The following ELAC1 variants were observed in gnomAD, a reference collection of about 807,000 sequenced individuals.
The protein encoded by ELAC1 is elaC ribonuclease Z 1.
In ELAC1, 19 loss-of-function variants were observed where a neutral mutation model predicts 25.8. The ratio of observed to expected loss-of-function variants is 0.74; its 90% CI spans 0.51 to 1.08. The LOEUF is 1.08. Among genes scored for constraint, ELAC1 ranks in the 50% least tolerant of loss-of-function variants. The pLI is 0.00. For missense variants in ELAC1, 403 were observed against 434.6 expected (o/e 0.93, Z 0.65); for synonymous variants, 148 against 160.9 (o/e 0.92, Z 0.61).
chr18:50,980,174 C>T (rs991433564), intron 2 of ELAC1, among the ~76,000 whole-genome samples: 4 of 151,814 alleles, frequency 2.6e-5, no homozygotes. Flanking sequence ...TCCATCTTTA[C>T]AAGAAATAAA....
At chr18:50,969,664 A>G (rs1406282581) in intron 1 of ELAC1, 1 of 152,252 alleles carries the variant, frequency 6.6e-6, no homozygotes, top group Non-Finnish European at 1.5e-5. Flanking sequence ...GTGCTGCCTA[A>G]TGGGGTACTC....
chr18:50,984,526 C>T lies in ELAC1; in HGVS notation c.588C>T (p.Arg196=). ...SFGFSVVEKK[R]PGKLNAQKLK... is the part of the protein sequence containing the mutation. ...GGTTTTCAGTCGTGGAAAAGAAACG[C>T]CCAGGTAAACTCAATGCACAGAAAC... The change falls in exon 3 of 4, where the codon CGC becomes CGT. Residue 196 remains arginine (R), a synonymous_variant. Coordinates refer to ENST00000269466, the MANE Select transcript of ELAC1 (RefSeq NM_018696.3). 1 of 1,614,074 alleles carries T rather than the reference C, an allele frequency of 6.2e-7. No homozygotes were observed.
At chr18:50,982,209 C>G (rs974065622) in intron 2 of ELAC1, among the ~76,000 whole-genome samples, 3 of 151,960 alleles carry the variant, frequency 2.0e-5, no homozygotes, top group Non-Finnish European at 4.4e-5. Context: ...CTTGGCAACC[C>G]GGACAGGGAG....
In ELAC1 at chr18:50,987,013, A is replaced by G. The variant is rs1212307602; in HGVS notation, c.1020A>G (p.Glu340=). The G allele has an allele frequency of 1.7e-5, 28 of 1,610,996 alleles. No homozygotes were observed. The highest frequency in any genetic ancestry group is 6.7e-5 in the Admixed American group (4 of 59,670). The change falls in exon 4 of 4, where the codon GAA becomes GAG. Residue 340 remains glutamate, a synonymous_variant. Coordinates refer to ENST00000269466, the MANE Select transcript of ELAC1 (RefSeq NM_018696.3). ...TTGCAGAACTAAAAAAGCAAGCTGA[A>G]TCAGTGTTAGATCTCCAAGAAGTGA... ...DGIAELKKQA[E]SVLDLQEVTL... is the part of the protein sequence containing the mutation.
chr18:50,987,035 G>A lies in ELAC1; in HGVS notation c.1042G>A (p.Val348Met), dbSNP rs774009592. Residue 348 changes from valine to methionine, a missense_variant, in exon 4 of 4, where the codon GTG (valine) becomes ATG (methionine). By Grantham distance (21) the Val-to-Met change is conservative. Transcript: ENST00000269466. Reference sequence around the variant, plus strand: ...TGAATCAGTGTTAGATCTCCAAGAAGTGACTCTAGCAGAAGATTTTATGGT... The same window carrying A: ...TGAATCAGTGTTAGATCTCCAAGAAATGACTCTAGCAGAAGATTTTATGGT... ...QAESVLDLQE[V>M]TLAEDFMVIS... The A allele has an allele frequency of 1.3e-6, 2 of 1,593,716 alleles. No homozygotes were observed. The highest frequency in any genetic ancestry group is 2.2e-5 in the East Asian group (1 of 44,794).
In ELAC1 at chr18:50,984,185, G is replaced by C. The variant is rs144276133; in HGVS notation, c.247G>C (p.Gly83Arg). Residue 83 changes from glycine to arginine, a missense_variant, in exon 3 of 4, where the codon GGC becomes CGC. Coordinates refer to ENST00000269466, the MANE Select transcript of ELAC1 (RefSeq NM_018696.3). ...CCTCTGCACAATCAGCCTGCAGAGT[G>C]GCTCCATGGTGTCCAAACAGCCTAT... is the stretch of plus-strand genomic sequence containing the variant. ...GLLCTISLQS[G>R]SMVSKQPIEI... 7.2e-5 allele frequency: 116 copies of C among 1,614,150 alleles called. No homozygotes were observed. In the Admixed American group the frequency reaches 8.8e-4, roughly 12 times the overall value.
chr18:50,973,601 G>A (rs915126229), intron 1 of ELAC1, among the ~76,000 whole-genome samples: 1 of 152,154 alleles, frequency 6.6e-6, no homozygotes, highest in Non-Finnish European at 1.5e-5. Context: ...GGAAAGGGCT[G>A]ATCATTATGG....
chr18:50,969,471 C>G (rs1042909654), intron 1 of ELAC1: 8 of 152,242 alleles, frequency 5.3e-5, no homozygotes, highest in Admixed American at 1.3e-4. Context: ...CATCTTGCCT[C>G]TCTTTGTGGA....
rs181269456 is a variant in ELAC1 at position 50,980,678 on chromosome 18, G to A, written c.158-3418G>A. ...CTTGGGAGGCTGAGGCAGGAGAATC[G>A]CTTGAACCCAGGAGGCGGAGGTTGT... On this transcript the variant is annotated intron_variant, in intron 2 of 3. Coordinates refer to ENST00000269466, the MANE Select transcript of ELAC1 (RefSeq NM_018696.3). Among the ~76,000 whole-genome samples, 299 of 150,778 alleles carry A rather than the reference G, an allele frequency of 2.0e-3. 2 individuals are homozygous for A. Among genetic ancestry groups the A allele is most frequent in the African/African-American group, 4.6e-3 (188 of 41,026 alleles).
chr18:50,972,713 C>T lies in ELAC1; in HGVS notation c.-8-1684C>T, dbSNP rs555011930. On this transcript the variant is annotated intron_variant, in intron 1 of 3. Coordinates refer to ENST00000269466, the MANE Select transcript of ELAC1 (RefSeq NM_018696.3). ...GGCCAGGCTGCTCTCAAACTCCTGA[C>T]CTTAGGTGATCCACCCTCCTCAGCC... Among the ~76,000 whole-genome samples the T allele has an allele frequency of 2.2e-4, 33 of 152,276 alleles. 1 individual carries two copies. The highest frequency in any genetic ancestry group is 7.5e-4 in the African/African-American group (31 of 41,562).
intron 2 of ELAC1, among the ~76,000 whole-genome samples, chr18:50,982,219 G>A (rs1347830059): frequency 1.3e-5 from 2 of 152,152 alleles, no homozygotes; most frequent in Non-Finnish European, 2.9e-5. Context: ...CGGACAGGGA[G>A]ACGGGGGAAA....
intron 2 of ELAC1, among the ~76,000 whole-genome samples, chr18:50,980,758 A>G (rs888919146): frequency 2.0e-5 from 3 of 146,918 alleles, no homozygotes; most frequent in African/African-American, 7.5e-5. Context: ...GTGAGACTCC[A>G]TCTCGAAAAA....
intron 2 of ELAC1, among the ~76,000 whole-genome samples, chr18:50,979,960 A>T (rs958313187): frequency 1.3e-5 from 2 of 152,068 alleles, no homozygotes; most frequent in Non-Finnish European, 2.9e-5. Flanking sequence ...CAAACTCCTG[A>T]GCTCAGGCAG....
chr18:50,970,406 T>G (rs1027310678), intron 1 of ELAC1, among the ~76,000 whole-genome samples: 5 of 152,276 alleles, frequency 3.3e-5, no homozygotes, highest in Admixed American at 6.5e-5. Context: ...AAATGTTAAC[T>G]TTCTGCATTC....
intron 2 of ELAC1, among the ~76,000 whole-genome samples, chr18:50,976,827 C>T (rs1907806815): frequency 6.6e-6 from 1 of 152,186 alleles, no homozygotes; most frequent in African/African-American, 2.4e-5. Context: ...AAATCAAAAG[C>T]AAGTTAGTTA....
Position 50,986,599 on chromosome 18 carries a change from T to C in ELAC1, c.626-20T>C, listed in dbSNP as rs569400237. On this transcript the variant is annotated intron_variant, in intron 3 of 3. Coordinates refer to ENST00000269466, the MANE Select transcript of ELAC1 (RefSeq NM_018696.3). ...TAAATTCCATTCCTATGATGTAATG[T>C]TATCTGCCTTCATCATTAGGTGTTC... 1.0e-5 allele frequency: 16 copies of C among 1,544,752 alleles called. No individual in the cohort carries two copies. Among genetic ancestry groups the C allele is most frequent in the Non-Finnish European group, 1.4e-5 (16 of 1,130,550 alleles).
intron 3 of ELAC1, among the ~76,000 whole-genome samples, chr18:50,985,649 C>G (rs1908089402): frequency 6.6e-6 from 1 of 152,104 alleles, no homozygotes; most frequent in South Asian, 2.1e-4. Flanking sequence ...TCTTCCTCAA[C>G]TAAAACAAAA....
chr18:50,987,922 T>C lies in ELAC1; in HGVS notation c.*837T>C, dbSNP rs764011271. ...TGATGTGAATATAGTTTACCAAAAT[T>C]AGTGACATAATGAGTGGAATTACTA... On this transcript the variant is annotated 3_prime_UTR_variant, in exon 4 of 4. Coordinates refer to ENST00000269466, the MANE Select transcript of ELAC1 (RefSeq NM_018696.3). 7 of 152,224 alleles carry C rather than the reference T, an allele frequency of 4.6e-5. No individual in the cohort carries two copies. The highest frequency in any genetic ancestry group is 1.0e-4 in the Non-Finnish European group (7 of 68,048). 9.4% of individuals were successfully genotyped at this position (152,224 alleles called of 1,614,324 possible). A position where few individuals can be genotyped will look rare whatever the true frequency, so the allele number is the denominator to read the frequency against.
In ELAC1 at chr18:50,987,764, A is replaced by C. The variant is rs144301489; in HGVS notation, c.*679A>C. ...TAGTGGTGGTACTACTACTACTGGTATTTAGTCAGCAGGGATAAGGGATGT... is the reference window on the plus strand; with the variant it reads ...TAGTGGTGGTACTACTACTACTGGTCTTTAGTCAGCAGGGATAAGGGATGT... On this transcript the variant is annotated 3_prime_UTR_variant, in exon 4 of 4. Coordinates refer to ENST00000269466, the MANE Select transcript of ELAC1 (RefSeq NM_018696.3). 6.6e-6 allele frequency: 1 copy of C among 152,304 alleles called. No homozygotes were observed. The highest frequency in any genetic ancestry group is 1.9e-4 in the East Asian group (1 of 5,188). The allele number at this position is 152,304 out of a possible 1,614,324, so 9.4% of individuals were successfully genotyped here.
Sources: allele counts gnomAD v4.1 joint callset (sites outside exome capture counted in the v4.1 genomes callset), GRCh38; gene constraint gnomAD v4.1.1; transcripts MANE v1.5; gene names NCBI Gene and HGNC (gene_info 2026-07-23, HGNC 2026-07-21).